ADGRL3: variants seen among roughly 807,000 people sequenced by gnomAD.
ADGRL3 encodes the protein adhesion G protein-coupled receptor L3, also known as calcium-independent alpha-latrotoxin receptor 3.
Under a neutral mutation model 153.5 loss-of-function variants are expected in ADGRL3, and 62 were observed. The ratio of observed to expected loss-of-function variants is 0.40; its 90% CI spans 0.33 to 0.50. ADGRL3 has a LOEUF of 0.50. ADGRL3 is among the 20% of genes least tolerant of loss of function. ADGRL3 has a pLI of 0.47. For synonymous variants in ADGRL3, 710 were observed against 672.5 expected (o/e 1.06, Z -0.86); for missense variants, 1,641 against 1,859.4 (o/e 0.88, Z 2.16).
chr4:61,415,184 T>G (rs1195610124), intron 2 of ADGRL3, among the ~76,000 whole-genome samples: 1 of 151,968 alleles, frequency 6.6e-6, no homozygotes, highest in Non-Finnish European at 1.5e-5. Flanking sequence ...CTATTTCTAT[T>G]ATAATATCAA....
chr4:61,884,562 C>G (rs1007074379), intron 9 of ADGRL3, among the ~76,000 whole-genome samples: 4 of 152,122 alleles, frequency 2.6e-5, no homozygotes, highest in Admixed American at 1.3e-4. Context: ...TAAATTAGCT[C>G]TATAAAGATT....
chr4:61,581,637 A>T (rs1045450991), intron 4 of ADGRL3, among the ~76,000 whole-genome samples: 11 of 151,922 alleles, frequency 7.2e-5, no homozygotes, highest in African/African-American at 2.4e-4. Flanking sequence ...ATCGTTATCT[A>T]CTTCTGTGAT....
intron 3 of ADGRL3, among the ~76,000 whole-genome samples, chr4:61,509,641 T>C (rs2098452464): frequency 6.6e-6 from 1 of 151,950 alleles, no homozygotes; most frequent in Non-Finnish European, 1.5e-5. Context: ...TATATATATA[T>C]ATAATTTTAT....
chr4:61,370,906 G>T (rs1578484033), intron 1 of ADGRL3, among the ~76,000 whole-genome samples: 1 of 150,832 alleles, frequency 6.6e-6, no homozygotes, highest in Non-Finnish European at 1.5e-5. Context: ...TTATGAATCT[G>T]GGTGCTCCTG....
chr4:61,947,345 T>C (rs1024148288), intron 16 of ADGRL3, among the ~76,000 whole-genome samples: 4 of 152,176 alleles, frequency 2.6e-5, no homozygotes, highest in Non-Finnish European at 5.9e-5. Flanking sequence ...ATAGATGGAT[T>C]TATAATTGCT....
chr4:61,397,832 C>T (rs532617657), intron 2 of ADGRL3, among the ~76,000 whole-genome samples: 5 of 152,012 alleles, frequency 3.3e-5, no homozygotes, highest in African/African-American at 1.2e-4. Flanking sequence ...AAATGAAAAT[C>T]TCTATTTCTC....
intron 4 of ADGRL3, among the ~76,000 whole-genome samples, chr4:61,560,721 T>A (rs2098791538): frequency 1.3e-5 from 2 of 151,872 alleles, no homozygotes; most frequent in Non-Finnish European, 2.9e-5. Flanking sequence ...CTTACGGAGG[T>A]CTATTATCTC....
chr4:61,345,044 C>T (rs530255528), intron 1 of ADGRL3, among the ~76,000 whole-genome samples: 269 of 151,768 alleles, frequency 1.8e-3, no homozygotes, highest in Admixed American at 4.1e-3. Context: ...GTGATCCATC[C>T]GCCTCGGCCT....
At chr4:61,954,952 T>G (rs2098960708) in intron 17 of ADGRL3, among the ~76,000 whole-genome samples, 1 of 152,126 alleles carries the variant, frequency 6.6e-6, no homozygotes, top group Non-Finnish European at 1.5e-5. Flanking sequence ...ACTGGGGTGC[T>G]CAGAGAGATT....
chr4:61,252,938 A>G (rs963878946), intron 1 of ADGRL3, among the ~76,000 whole-genome samples: 3 of 152,102 alleles, frequency 2.0e-5, no homozygotes, highest in Non-Finnish European at 4.4e-5. Context: ...CCTTTTCTGG[A>G]TGCTTTTTTC....
intron 1 of ADGRL3, among the ~76,000 whole-genome samples, chr4:61,250,027 T>C (rs1364500403): frequency 6.6e-6 from 1 of 152,202 alleles, no homozygotes; most frequent in East Asian, 1.9e-4. Flanking sequence ...GACTAATATG[T>C]GCTTTGTTTT....
intron 5 of ADGRL3, among the ~76,000 whole-genome samples, chr4:61,616,017 A>C (rs1383039917): frequency 6.6e-6 from 1 of 152,146 alleles, no homozygotes; most frequent in Non-Finnish European, 1.5e-5. Context: ...GTTAGATTCA[A>C]GGGAAAACAT....
intron 4 of ADGRL3, among the ~76,000 whole-genome samples, chr4:61,575,353 A>G (rs1189221521): frequency 6.6e-6 from 1 of 151,904 alleles, no homozygotes; most frequent in East Asian, 1.9e-4. Context: ...TTTTGAAAAT[A>G]CTCTTGTTTA....
At chr4:61,744,407 C>T (rs2096625474) in intron 8 of ADGRL3, among the ~76,000 whole-genome samples, 1 of 152,176 alleles carries the variant, frequency 6.6e-6, no homozygotes, top group Non-Finnish European at 1.5e-5. Context: ...GGCAGACTGC[C>T]TCCTCAAGTG....
chr4:61,292,718 A>C (rs1368620791), intron 1 of ADGRL3, among the ~76,000 whole-genome samples: 1 of 152,144 alleles, frequency 6.6e-6, no homozygotes, highest in African/African-American at 2.4e-5. Context: ...AAATCTTGAA[A>C]GCCATTGGGA....
chr4:61,868,129 C>G (rs1280164109), intron 9 of ADGRL3, among the ~76,000 whole-genome samples: 2 of 151,956 alleles, frequency 1.3e-5, no homozygotes, highest in Admixed American at 1.3e-4. Flanking sequence ...TGTGTGTTTT[C>G]TTTTGTTTGA....
intron 2 of ADGRL3, among the ~76,000 whole-genome samples, chr4:61,484,592 CA>C (rs2098168923): frequency 6.6e-6 from 1 of 152,058 alleles, no homozygotes; most frequent in Non-Finnish European, 1.5e-5. Flanking sequence ...TAAACATTAT[CA>C]TAGTTAGAAT....
At chr4:61,290,173 T>C (rs1006301974) in intron 1 of ADGRL3, among the ~76,000 whole-genome samples, 1 of 152,084 alleles carries the variant, frequency 6.6e-6, no homozygotes, top group African/African-American at 2.4e-5. Flanking sequence ...ATCTGGATCA[T>C]TGAATTATGT....
intron 5 of ADGRL3, among the ~76,000 whole-genome samples, chr4:61,609,901 G>T (rs957763557): frequency 6.6e-6 from 1 of 151,800 alleles, no homozygotes; most frequent in African/African-American, 2.4e-5. Flanking sequence ...CACCCCCAAA[G>T]AAATTGAAAT....
Sources: allele counts gnomAD v4.1 joint callset (sites outside exome capture counted in the v4.1 genomes callset), GRCh38; gene constraint gnomAD v4.1.1; transcripts MANE v1.5; gene names NCBI Gene and HGNC (gene_info 2026-07-23, HGNC 2026-07-21).